NTM: variants seen among roughly 807,000 people sequenced by gnomAD.
NTM encodes neurotrimin, also known as IgLON family member 2.
NTM carries 13 observed loss-of-function variants against 42.1 expected under a neutral mutation model. The observed-to-expected ratio is 0.31, with a 90% CI of 0.20 to 0.49. The LOEUF (loss-of-function observed/expected upper bound fraction) is 0.49. NTM is among the 20% of genes least tolerant of loss of function. The pLI is 0.99. For synonymous variants in NTM, 187 were observed against 179.2 expected (o/e 1.04, Z -0.35); for missense variants, 373 against 452.8 (o/e 0.82, Z 1.60).
intron 1 of NTM, among the ~76,000 whole-genome samples, chr11:131,784,359 A>T (rs761534852): frequency 6.6e-6 from 1 of 152,228 alleles, no homozygotes; most frequent in Non-Finnish European, 1.5e-5. Flanking sequence ...TGCTCATCAG[A>T]AAGTGAATAG....
At chr11:132,043,003 A>T (rs1028279581) in intron 2 of NTM, among the ~76,000 whole-genome samples, 1 of 152,164 alleles carries the variant, frequency 6.6e-6, no homozygotes. Flanking sequence ...CCTCTGTTAC[A>T]TAAGTGGAAG....
At chr11:131,943,507 C>T (rs1007658685) in intron 2 of NTM, among the ~76,000 whole-genome samples, 3 of 152,200 alleles carry the variant, frequency 2.0e-5, no homozygotes, top group African/African-American at 7.2e-5. Context: ...GTCCACCCTC[C>T]AGGTGTCTGA....
At chr11:132,201,447 C>T (rs1031224665) in intron 3 of NTM, among the ~76,000 whole-genome samples, 2 of 152,136 alleles carry the variant, frequency 1.3e-5, no homozygotes, top group East Asian at 1.9e-4. Context: ...GCCAAAAGAG[C>T]GAAAGACACA....
intron 2 of NTM, among the ~76,000 whole-genome samples, chr11:132,064,735 C>A (rs2081185276): frequency 6.6e-6 from 1 of 152,188 alleles, no homozygotes; most frequent in Non-Finnish European, 1.5e-5. Context: ...CCCATGGTTC[C>A]AGTCCATTTA....
chr11:131,681,375 A>G (rs201403123), intron 1 of NTM, among the ~76,000 whole-genome samples: 379 of 4,778 alleles, frequency 0.079, 1 homozygote, highest in African/African-American at 0.15. Context: ...GTGTGTGAGC[A>G]TGTGTGTTTC....
chr11:131,503,939 C>T (rs994007811), intron 1 of NTM, among the ~76,000 whole-genome samples: 2 of 152,240 alleles, frequency 1.3e-5, no homozygotes, highest in African/African-American at 4.8e-5. Context: ...AACCCCTACA[C>T]TGACTACCTT....
At chr11:131,984,636 G>C (rs1045614054) in intron 2 of NTM, 1 of 152,096 alleles carries the variant, frequency 6.6e-6, no homozygotes, top group East Asian at 1.9e-4. Context: ...TGCATGTTGG[G>C]GTGTTTGGCA....
intron 1 of NTM, among the ~76,000 whole-genome samples, chr11:131,641,399 A>G (rs2065111551): frequency 6.6e-6 from 1 of 152,218 alleles, no homozygotes; most frequent in South Asian, 2.1e-4. Context: ...ACACTTTAAA[A>G]TAGACCAGAC....
chr11:131,593,509 C>T (rs902831758), intron 1 of NTM, among the ~76,000 whole-genome samples: 2 of 152,156 alleles, frequency 1.3e-5, no homozygotes, highest in Non-Finnish European at 2.9e-5. Context: ...AGTGTAAAGG[C>T]TCCCCTGCCC....
At chr11:132,225,197 G>A (rs2085956266) in intron 4 of NTM, among the ~76,000 whole-genome samples, 1 of 152,182 alleles carries the variant, frequency 6.6e-6, no homozygotes, top group African/African-American at 2.4e-5. Context: ...GCTGCAGATT[G>A]CATGGTGAAT....
At chr11:131,825,501 G>A (rs548068082) in intron 1 of NTM, among the ~76,000 whole-genome samples, 90 of 152,160 alleles carry the variant, frequency 5.9e-4, no homozygotes, top group African/African-American at 1.9e-3. Flanking sequence ...TTACGGACTT[G>A]GTTCTTTATC....
intron 1 of NTM, among the ~76,000 whole-genome samples, chr11:131,472,343 G>A (rs1453867714): frequency 6.6e-6 from 1 of 152,244 alleles, no homozygotes; most frequent in African/African-American, 2.4e-5. Flanking sequence ...CAGGGACAGA[G>A]AGAAATGGCT....
intron 1 of NTM, among the ~76,000 whole-genome samples, chr11:131,749,567 T>C (rs551140228): frequency 6.6e-6 from 1 of 152,350 alleles, no homozygotes; most frequent in African/African-American, 2.4e-5. Flanking sequence ...TGTTGACGTA[T>C]GTCCCTGCAT....
chr11:131,644,811 G>T (rs921862396), intron 1 of NTM, among the ~76,000 whole-genome samples: 1 of 150,520 alleles, frequency 6.6e-6, no homozygotes, highest in Admixed American at 6.9e-5. Flanking sequence ...GTTTTGTTTT[G>T]TTTTGTTTTG....
At chr11:131,868,293 T>G (rs2047429501) in intron 1 of NTM, among the ~76,000 whole-genome samples, 1 of 152,164 alleles carries the variant, frequency 6.6e-6, no homozygotes, top group Non-Finnish European at 1.5e-5. Flanking sequence ...TGTCCCAGTC[T>G]TTCGTATCAA....
chr11:131,501,961 T>A (rs1307397613), intron 1 of NTM, among the ~76,000 whole-genome samples: 1 of 152,144 alleles, frequency 6.6e-6, no homozygotes, highest in African/African-American at 2.4e-5. Flanking sequence ...GTTTGAGACA[T>A]CTGTTAGACT....
rs1214868695 is a variant in NTM, at chr11:131,587,817, T to G, written c.82+216929T>G. Among the ~76,000 whole-genome samples, 6 of 152,178 alleles carry G rather than the reference T, an allele frequency of 3.9e-5. No individual in the cohort carries two copies. The East Asian group carries it at 1.2e-3, about 29-fold the overall frequency. ...CCAGCACAGAGAGAATTACAGTAGTTGACAGCATGAAAGAAGAGGTGGTCA... is the reference window on the plus strand; with the variant it reads ...CCAGCACAGAGAGAATTACAGTAGTGGACAGCATGAAAGAAGAGGTGGTCA... On this transcript the variant is annotated intron_variant, in intron 1 of 8. Coordinates refer to ENST00000683400, the MANE Select transcript of NTM (RefSeq NM_001352005.2).
chr11:131,984,586 C>T (rs1404303280), intron 2 of NTM: 3 of 152,178 alleles, frequency 2.0e-5, no homozygotes, highest in African/African-American at 7.2e-5. Flanking sequence ...GTACGCCCTA[C>T]TTGGGGGCTG....
intron 4 of NTM, among the ~76,000 whole-genome samples, chr11:132,227,565 C>T (rs1011278954): frequency 9.2e-5 from 14 of 152,074 alleles, no homozygotes; most frequent in Admixed American, 2.6e-4. Context: ...GGTGTAATTA[C>T]TTGTCTCGGT....
Sources: gnomAD v4.1 joint callset for allele counts (sites outside exome capture counted in the v4.1 genomes callset) on GRCh38, gnomAD v4.1.1 for gene constraint, MANE v1.5 for transcripts, NCBI Gene and HGNC (gene_info 2026-07-23, HGNC 2026-07-21) for gene names.